The following IHO1 variants were observed in gnomAD, a reference collection of about 807,000 sequenced individuals.
IHO1 encodes interactor of HORMAD1 1.
Under a neutral mutation model 31.0 loss-of-function variants are expected in IHO1, and 13 were observed. That is an observed-to-expected ratio of 0.42 (90% CI 0.27 to 0.67). IHO1 has a LOEUF of 0.67. Among genes scored for constraint, IHO1 ranks in the 30% least tolerant of loss-of-function variants. The pLI is 0.24. For missense variants in IHO1, 599 were observed against 687.5 expected (o/e 0.87, Z 1.44); for synonymous variants, 221 against 248.4 (o/e 0.89, Z 1.04).
In IHO1 at chr3:49,256,714, A is replaced by G; in HGVS notation, c.1217A>G (p.Asn406Ser). 6.2e-7 allele frequency: 1 copy of G among 1,614,240 alleles called. No homozygotes were observed. Among genetic ancestry groups the G allele is most frequent in the Non-Finnish European group, 8.5e-7 (1 of 1,180,040 alleles). ...LEINFSTSIK[N>S]ACQKYQAQSM... The stretch of plus-strand genomic sequence containing the variant: ...ATAAACTTTTCAACCAGCATTAAGA[A>G]TGCCTGCCAAAAATATCAAGCCCAA... The change falls in exon 8 of 8, where the codon AAT (asparagine) becomes AGT (serine). Residue 406 changes from asparagine to serine, a missense_variant. Asn to Ser is a conservative substitution (Grantham distance 46). Coordinates refer to ENST00000452691, the MANE Select transcript of IHO1 (RefSeq NM_001135197.2). The surrounding 1 kb of genome is among the most constrained non-coding windows in gnomAD (Gnocchi z 4.6).
At position 49,241,299 on chromosome 3, in the gene IHO1, T is replaced by G. The variant is rs2046627939; in HGVS notation, c.305T>G (p.Leu102Ter). The G allele has an allele frequency of 1.2e-6, 2 of 1,613,568 alleles. No homozygotes were observed. Among genetic ancestry groups the G allele is most frequent in the African/African-American group, 2.7e-5 (2 of 74,912 alleles). ...GGAGGAGATATAAAAGATGGAGGTT[T>G]ATTTCCTCCTCCTTTGTCAGTTGGA... Reference protein sequence around the residue: ...LFGGDIKDGGLFPPPLSVGKS... With the variant: ...LFGGDIKDGG Residue 102 changes from leucine to a stop codon, truncating the protein, a stop_gained, in exon 4 of 8, where the codon TTA (leucine) becomes TGA (stop). Transcript: ENST00000452691. LOFTEE classifies it high-confidence loss of function.
intron 2 of IHO1, among the ~76,000 whole-genome samples, chr3:49,220,182 A>G (rs2046336725): frequency 6.6e-6 from 1 of 152,242 alleles, no homozygotes. Flanking sequence ...TCAACAGGGA[A>G]ATATTATAGC....
intron 1 of IHO1, chr3:49,200,499 G>GAAAGAA: frequency 2.7e-6 from 2 of 730,634 alleles, no homozygotes; most frequent in Non-Finnish European, 3.3e-6. Context: ...AAGAAAGAAA[G>GAAAGAA]AAAGAAAGAA....
rs113484423 is a variant in IHO1, at chr3:49,229,486, G to A, written c.57-7062G>A. 5.3e-5 allele frequency among the ~76,000 whole-genome samples: 8 copies of A among 152,296 alleles called. 1 individual carries two copies. The highest frequency in any genetic ancestry group is 9.6e-5 in the African/African-American group (4 of 41,568). Reference sequence around the variant, plus strand: ...CCCTGGAAAGCAGAGCCAGGAGAGCGCATAGCACAACTTCTGATTGTGCCG... The same window carrying A: ...CCCTGGAAAGCAGAGCCAGGAGAGCACATAGCACAACTTCTGATTGTGCCG... On this transcript the variant is annotated intron_variant, in intron 2 of 7. Transcript: ENST00000452691.
chr3:49,248,385 C>T (rs143960530), intron 6 of IHO1, among the ~76,000 whole-genome samples: 2,978 of 152,188 alleles, frequency 0.02, 100 homozygotes, highest in African/African-American at 0.067. Flanking sequence ...TGCCACTGCA[C>T]TCCAGCCTGG....
chr3:49,245,164 T>C (rs572106251), intron 6 of IHO1: 14 of 345,898 alleles, frequency 4.0e-5, no homozygotes, highest in Admixed American at 1.3e-4. Flanking sequence ...GAGAGCTGTG[T>C]TGTGAATCAC....
At chr3:49,229,370 T>C (rs1160669724) in intron 2 of IHO1, among the ~76,000 whole-genome samples, 1 of 152,240 alleles carries the variant, frequency 6.6e-6, no homozygotes, top group Non-Finnish European at 1.5e-5. Context: ...CAGGTAGATC[T>C]ACTTTAAATT....
intron 2 of IHO1, among the ~76,000 whole-genome samples, chr3:49,226,766 G>C (rs1278540502): frequency 6.6e-6 from 1 of 152,196 alleles, no homozygotes; most frequent in Non-Finnish European, 1.5e-5. Flanking sequence ...AAGAGAGATC[G>C]AGGGTCTGCC....
chr3:49,220,817 G>A (rs2046345764), intron 2 of IHO1, among the ~76,000 whole-genome samples: 1 of 152,182 alleles, frequency 6.6e-6, no homozygotes, highest in Non-Finnish European at 1.5e-5. Context: ...GCAGTGAGCT[G>A]AGATAGCGCC....
At chr3:49,244,935 TC>T in intron 6 of IHO1, 1 of 632,146 alleles carries the variant, frequency 1.6e-6, no homozygotes, top group Non-Finnish European at 2.9e-6. Flanking sequence ...AATGCTCTGG[TC>T]CCATGATGCC....
intron 2 of IHO1, among the ~76,000 whole-genome samples, chr3:49,235,790 T>C (rs2046552353): frequency 6.7e-6 from 1 of 150,188 alleles, no homozygotes; most frequent in South Asian, 2.1e-4. Context: ...ATTGACCACA[T>C]GTGGTGGCAG....
At chr3:49,243,359 G>A (rs1377451087) in intron 4 of IHO1, among the ~76,000 whole-genome samples, 2 of 151,734 alleles carry the variant, frequency 1.3e-5, no homozygotes, top group Non-Finnish European at 1.5e-5. Flanking sequence ...TGGCCAGGCT[G>A]GTCTCAAACT....
intron 1 of IHO1, among the ~76,000 whole-genome samples, chr3:49,207,842 C>T (rs995300166): frequency 2.7e-5 from 4 of 150,890 alleles, no homozygotes; most frequent in Non-Finnish European, 4.4e-5. Flanking sequence ...GGTGCGATCG[C>T]GGTTCACTGC....
intron 3 of IHO1, among the ~76,000 whole-genome samples, chr3:49,238,372 A>G (rs35218722): frequency 0.61 from 92,067 of 151,766 alleles, 29,159 homozygotes; most frequent in East Asian, 0.95. Context: ...GGCAGGAATC[A>G]GAGGACCAGA....
intron 1 of IHO1, among the ~76,000 whole-genome samples, chr3:49,211,183 A>G (rs1285248974): frequency 7.4e-6 from 1 of 136,024 alleles, no homozygotes; most frequent in Non-Finnish European, 1.6e-5. Flanking sequence ...AATTTTTTGT[A>G]TTTTTTAGTA....
chr3:49,224,299 A>G (rs1006283828), intron 2 of IHO1, among the ~76,000 whole-genome samples: 9 of 151,892 alleles, frequency 5.9e-5, no homozygotes, highest in African/African-American at 2.2e-4. Context: ...TCCACCTGGC[A>G]GCAATTTTGG....
chr3:49,204,728 G>C (rs1172637024), intron 1 of IHO1, among the ~76,000 whole-genome samples: 2 of 152,074 alleles, frequency 1.3e-5, no homozygotes, highest in East Asian at 1.9e-4. Context: ...AGTTTATTAA[G>C]AAAGTAAAGA....
intron 2 of IHO1, chr3:49,214,011 A>G: frequency 2.8e-6 from 1 of 360,030 alleles, no homozygotes; most frequent in Non-Finnish European, 5.9e-6. Flanking sequence ...CCTCATACAG[A>G]CTCTTCTTCT....
intron 6 of IHO1, among the ~76,000 whole-genome samples, chr3:49,254,033 C>T (rs181568548): frequency 8.6e-4 from 131 of 152,086 alleles, no homozygotes; most frequent in Middle Eastern, 3.4e-3. Context: ...AGAATTTCAT[C>T]ATGTTGGCTA....
Sources: allele counts gnomAD v4.1 joint callset (sites outside exome capture counted in the v4.1 genomes callset), GRCh38; gene constraint gnomAD v4.1.1; non-coding constraint Gnocchi (gnomAD v3.1); transcripts MANE v1.5; gene names NCBI Gene and HGNC (gene_info 2026-07-23, HGNC 2026-07-21).